Variants in BEND5 observed in about 807,000 individuals in gnomAD.
BEND5 encodes BEN domain-containing protein 5.
A neutral mutation model predicts 43.9 loss-of-function variants in BEND5; 22 were observed. The ratio of observed to expected loss-of-function variants is 0.50; its 90% CI spans 0.36 to 0.72. The LOEUF (loss-of-function observed/expected upper bound fraction) is 0.72. BEND5 is among the 30% of genes least tolerant of loss of function. BEND5 has a pLI of 0.00. For missense variants in BEND5, 428 were observed against 550.6 expected (o/e 0.78, Z 2.23); for synonymous variants, 228 against 225.9 (o/e 1.01, Z -0.08).
At chr1:48,769,296 C>A (rs1347644862) in intron 1 of BEND5, among the ~76,000 whole-genome samples, 7 of 152,066 alleles carry the variant, frequency 4.6e-5, no homozygotes, top group Non-Finnish European at 8.8e-5. Flanking sequence ...TTCAGTAGGT[C>A]TCCTTGTTCT....
chr1:48,751,772 G>T (rs559139549), intron 3 of BEND5, among the ~76,000 whole-genome samples: 1 of 152,262 alleles, frequency 6.6e-6, no homozygotes, highest in African/African-American at 2.4e-5. Flanking sequence ...TAAATACCTA[G>T]GCAGTTGTTA....
intron 1 of BEND5, among the ~76,000 whole-genome samples, chr1:48,776,223 GA>G (rs1023408277): frequency 6.6e-6 from 1 of 152,194 alleles, no homozygotes; most frequent in African/African-American, 2.4e-5. Context: ...AGAACAGAGG[GA>G]AGGAACTGGG....
intron 3 of BEND5, among the ~76,000 whole-genome samples, chr1:48,748,154 AC>A (rs1396833987): frequency 1.3e-5 from 2 of 152,202 alleles, no homozygotes; most frequent in African/African-American, 4.8e-5. Flanking sequence ...CAGCTTCATA[AC>A]AATGAAGGAG....
intron 4 of BEND5, among the ~76,000 whole-genome samples, chr1:48,738,911 C>T (rs76587991): frequency 3.3e-4 from 50 of 152,248 alleles, no homozygotes; most frequent in African/African-American, 1.2e-3. Context: ...ATTATTTTCC[C>T]ATTTTACAGA....
At chr1:48,752,594 G>A (rs1474507345) in intron 3 of BEND5, among the ~76,000 whole-genome samples, 1 of 152,194 alleles carries the variant, frequency 6.6e-6, no homozygotes, top group Non-Finnish European at 1.5e-5. Flanking sequence ...CGTCACATCT[G>A]TGTTCTGCTG....
chr1:48,733,340 A>G (rs985819721), intron 5 of BEND5, among the ~76,000 whole-genome samples: 2 of 152,182 alleles, frequency 1.3e-5, no homozygotes, highest in Non-Finnish European at 2.9e-5. Context: ...ACCAGCCCCA[A>G]ATAAGGAACT....
chr1:48,750,494 A>G (rs1445545199), intron 3 of BEND5, among the ~76,000 whole-genome samples: 1 of 152,056 alleles, frequency 6.6e-6, no homozygotes, highest in African/African-American at 2.4e-5. Context: ...CCATGTAAGG[A>G]GCTCTCTTTT....
chr1:48,731,549 G>A (rs1407873555), intron 5 of BEND5, among the ~76,000 whole-genome samples: 1 of 152,202 alleles, frequency 6.6e-6, no homozygotes, highest in Non-Finnish European at 1.5e-5. Flanking sequence ...AAAGGTCAGA[G>A]ATGATTTCCT....
At chr1:48,753,806 T>C (rs959182713) in intron 3 of BEND5, among the ~76,000 whole-genome samples, 5 of 152,240 alleles carry the variant, frequency 3.3e-5, no homozygotes, top group African/African-American at 1.2e-4. Context: ...TAAAATGCCA[T>C]GCACATGTGA....
intron 3 of BEND5, among the ~76,000 whole-genome samples, chr1:48,756,083 C>T (rs946152553): frequency 6.6e-5 from 10 of 152,186 alleles, no homozygotes; most frequent in African/African-American, 2.2e-4. Flanking sequence ...CAAGCATTAA[C>T]AGAATGTCAG....
At chr1:48,768,717 A>G (rs954405118) in intron 1 of BEND5, among the ~76,000 whole-genome samples, 12 of 152,240 alleles carry the variant, frequency 7.9e-5, no homozygotes, top group African/African-American at 2.9e-4. Flanking sequence ...TGAGTTTGTT[A>G]GCCAGGATGA....
chr1:48,762,974 C>T (rs951141207), intron 1 of BEND5, among the ~76,000 whole-genome samples: 17 of 152,014 alleles, frequency 1.1e-4, no homozygotes, highest in Non-Finnish European at 2.4e-4. Flanking sequence ...CAATAATTCA[C>T]GCAACCCACC....
At chr1:48,747,048 A>G (rs1650881128) in intron 3 of BEND5, among the ~76,000 whole-genome samples, 1 of 152,248 alleles carries the variant, frequency 6.6e-6, no homozygotes, top group African/African-American at 2.4e-5. Context: ...TTGGCAATTT[A>G]CATCTCATTA....
chr1:48,734,263 T>C (rs779305089), intron 5 of BEND5, among the ~76,000 whole-genome samples: 2 of 152,176 alleles, frequency 1.3e-5, no homozygotes, highest in Non-Finnish European at 2.9e-5. Flanking sequence ...GGCGGGTGTG[T>C]GTTTGAATCT....
intron 4 of BEND5, among the ~76,000 whole-genome samples, chr1:48,737,255 G>C (rs1215074562): frequency 6.6e-6 from 1 of 152,142 alleles, no homozygotes; most frequent in African/African-American, 2.4e-5. Flanking sequence ...CTGCACTCCA[G>C]TCTGGGAGAC....
intron 2 of BEND5, among the ~76,000 whole-genome samples, chr1:48,760,409 C>T (rs1644192585): frequency 1.3e-5 from 2 of 152,212 alleles, no homozygotes; most frequent in South Asian, 4.1e-4. Context: ...CCAAATCAAA[C>T]CCAGCCCAAT....
intron 1 of BEND5, among the ~76,000 whole-genome samples, chr1:48,767,695 G>A (rs1025594803): frequency 2.2e-4 from 34 of 152,238 alleles, no homozygotes; most frequent in African/African-American, 6.5e-4. Context: ...TTACTCAGCC[G>A]GTCTGTGCAA....
intron 1 of BEND5, among the ~76,000 whole-genome samples, chr1:48,769,556 C>CACAT (rs1644704305): frequency 6.8e-6 from 1 of 147,146 alleles, no homozygotes; most frequent in Admixed American, 6.9e-5. Context: ...CACACACACA[C>CACAT]ACACACACAC....
chr1:48,739,160 C>T (rs1382879519), intron 4 of BEND5, among the ~76,000 whole-genome samples: 1 of 152,224 alleles, frequency 6.6e-6, no homozygotes, highest in Non-Finnish European at 1.5e-5. Context: ...GCTCCCAGTG[C>T]AGTTCACCAC....
Sources: gnomAD v4.1 joint callset for allele counts (sites outside exome capture counted in the v4.1 genomes callset) on GRCh38, gnomAD v4.1.1 for gene constraint, MANE v1.5 for transcripts, NCBI Gene and HGNC (gene_info 2026-07-23, HGNC 2026-07-21) for gene names.